The following MCM10 variants were observed in gnomAD, a reference collection of about 807,000 sequenced individuals.
The protein encoded by MCM10 is minichromosome maintenance 10 replication initiation factor.
MCM10 carries 91 observed loss-of-function variants against 109.9 expected under a neutral mutation model. The ratio of observed to expected loss-of-function variants is 0.83; its 90% CI spans 0.70 to 0.99. The LOEUF (loss-of-function observed/expected upper bound fraction) is 0.99. MCM10 is among the 50% of genes least tolerant of loss of function. MCM10 has a pLI of 0.00. For missense variants in MCM10, 1,077 were observed against 1,061.2 expected (o/e 1.01, Z -0.21); for synonymous variants, 380 against 387.2 (o/e 0.98, Z 0.22).
rs754471223 is a variant in MCM10 at position 13,192,306 on chromosome 10, A to T, written c.1568A>T (p.Asp523Val). ...SCSEEFKELM[D>V]LPTCGARNLK... ...TCTGAGGAGTTCAAGGAACTGATGG[A>T]CCTGCCGACGTGTGGAGCCAGGAAC... The change falls in exon 12 of 20, where the codon GAC (aspartate) becomes GTC (valine). Residue 523 changes from aspartate (D) to valine (V), a missense_variant. Physicochemically the swap from Asp to Val is radical, Grantham distance 152. Transcript: ENST00000378714. 3 of 1,614,162 alleles carry T rather than the reference A, an allele frequency of 1.9e-6. No homozygotes were observed. The South Asian group carries it at 3.3e-5, about 18-fold the overall frequency.
chr10:13,163,034 G>A (rs924982511), intron 1 of MCM10, among the ~76,000 whole-genome samples: 3 of 149,818 alleles, frequency 2.0e-5, no homozygotes, highest in Admixed American at 6.6e-5. Context: ...AGCCAAGATC[G>A]CCCCATTGCA....
At chr10:13,190,350 G>A (rs987448785) in intron 10 of MCM10, among the ~76,000 whole-genome samples, 2 of 152,072 alleles carry the variant, frequency 1.3e-5, no homozygotes, top group African/African-American at 4.8e-5. Flanking sequence ...CCAACCAATG[G>A]AGAAAATAAA....
At chr10:13,167,538 T>C (rs749973393) in intron 2 of MCM10, among the ~76,000 whole-genome samples, 1 of 149,312 alleles carries the variant, frequency 6.7e-6, no homozygotes, top group Non-Finnish European at 1.5e-5. Flanking sequence ...CTTGCGGAGG[T>C]TGAAGTGCCC....
chr10:13,172,765 G>A lies in MCM10; in HGVS notation c.592G>A (p.Asp198Asn), dbSNP rs1588467093. 1 of 1,614,000 alleles carries A rather than the reference G, an allele frequency of 6.2e-7. No individual in the cohort carries two copies. Among genetic ancestry groups the A allele is most frequent in the Non-Finnish European group, 8.5e-7 (1 of 1,179,992 alleles). The part of the protein sequence containing the change: ...VARTPKASPP[D>N]PKSSSSRMTS... The stretch of plus-strand genomic sequence containing the variant: ...TCGAACACCAAAGGCTTCACCTCCA[G>A]GTGTAGTACTTGCGGTCTCAGTATC... The change falls in exon 5 of 20, where the codon GAT becomes AAT. Residue 198 changes from aspartate (D) to asparagine (N), a missense_variant and splice_region_variant. Coordinates refer to ENST00000378714, the MANE Select transcript of MCM10 (RefSeq NM_018518.5). This position sits in a 1 kb window ranked among gnomAD's most constrained non-coding sequence, Gnocchi z 5.2.
chr10:13,186,194 G>A lies in MCM10; in HGVS notation c.1129G>A (p.Val377Ile), dbSNP rs779768919. 8.7e-6 allele frequency: 14 copies of A among 1,612,810 alleles called. 1 individual carries two copies. The Middle Eastern group carries it at 6.6e-4, about 76-fold the overall frequency. The stretch of plus-strand genomic sequence containing the variant: ...TTTATCTATCGATCATCCTCAGAAG[G>A]TCTTAATTATGGGTGAAGCTCTTGA... The part of the protein sequence containing the change: ...VCLSIDHPQK[V>I]LIMGEALDLG... The change falls in exon 9 of 20, where the codon GTC (valine) becomes ATC (isoleucine). Residue 377 changes from valine to isoleucine, a missense_variant. Coordinates refer to ENST00000378714, the MANE Select transcript of MCM10 (RefSeq NM_018518.5).
rs767891616 is a variant in MCM10, at chr10:13,164,154, C to T, written c.-49C>T. On this transcript the variant is annotated 5_prime_UTR_variant, in exon 2 of 20. Coordinates refer to ENST00000378714, the MANE Select transcript of MCM10 (RefSeq NM_018518.5). ...CAAGATTCTACATTGCTCATCTGGG[C>T]ATCTGAGCCTCCTTCGAAGTTTCCT... 1 of 1,544,760 alleles carries T rather than the reference C, an allele frequency of 6.5e-7. No individual in the cohort carries two copies. Among genetic ancestry groups the T allele is most frequent in the Admixed American group, 2.2e-5 (1 of 45,894 alleles).
At chr10:13,165,058 G>C (rs113667583) in intron 2 of MCM10, among the ~76,000 whole-genome samples, 2 of 152,038 alleles carry the variant, frequency 1.3e-5, no homozygotes, top group South Asian at 4.1e-4. Flanking sequence ...GTGGACCCCC[G>C]TTGTCCCTGA....
chr10:13,192,512 A>G lies in MCM10; in HGVS notation c.1689A>G (p.Gln563=). The change falls in exon 13 of 20, where the codon CAA becomes CAG. Residue 563 remains glutamine (Q), a synonymous_variant. Coordinates refer to ENST00000378714, the MANE Select transcript of MCM10 (RefSeq NM_018518.5). ...TCTCGGCCTCAGCACTCTTGAAGCA[A>G]CAGAAGCAGCGGATGTTGGAGATGA... is the stretch of plus-strand genomic sequence containing the variant. The part of the protein sequence containing the change: ...KSISASALLK[Q]QKQRMLEMRR... 2 of 1,614,180 alleles carry G rather than the reference A, an allele frequency of 1.2e-6. No homozygotes were observed. Among genetic ancestry groups the G allele is most frequent in the Non-Finnish European group, 1.7e-6 (2 of 1,180,038 alleles).
At chr10:13,184,109 C>T (rs1362027128) in intron 8 of MCM10, among the ~76,000 whole-genome samples, 2 of 152,072 alleles carry the variant, frequency 1.3e-5, no homozygotes, top group African/African-American at 4.8e-5. Context: ...CCACCTGCCT[C>T]AGCCTCTTAA....
chr10:13,202,261 G>A (rs1464518587), intron 17 of MCM10, among the ~76,000 whole-genome samples: 4 of 152,176 alleles, frequency 2.6e-5, no homozygotes, highest in Non-Finnish European at 5.9e-5. Context: ...GGAGGCTGAG[G>A]CAGGAGGATC....
At chr10:13,174,374 C>T (rs543481937) in intron 5 of MCM10, among the ~76,000 whole-genome samples, 15 of 151,964 alleles carry the variant, frequency 9.9e-5, no homozygotes, top group Non-Finnish European at 2.1e-4. Context: ...AAGTGATCTG[C>T]CCACTTCAGC....
At chr10:13,193,690 G>T (rs1344095530) in intron 13 of MCM10, among the ~76,000 whole-genome samples, 1 of 152,108 alleles carries the variant, frequency 6.6e-6, no homozygotes, top group African/African-American at 2.4e-5. Context: ...AGTGCCGGTG[G>T]GATATCTATA....
rs1834072861 is a variant in MCM10 at position 13,171,494 on chromosome 10, C to T, written c.349+231C>T. 2.6e-5 allele frequency among the ~76,000 whole-genome samples: 4 copies of T among 152,298 alleles called. No individual in the cohort carries two copies. The South Asian group carries it at 8.3e-4, about 32-fold the overall frequency. On this transcript the variant is annotated intron_variant, in intron 3 of 19. Coordinates refer to ENST00000378714, the MANE Select transcript of MCM10 (RefSeq NM_018518.5). The stretch of plus-strand genomic sequence containing the variant: ...TCAGCCAGCTGCACTTGATCCTGTA[C>T]GGAATGGCTCTGAAACTTTTCATAT...
At chr10:13,170,840 A>G (rs1834061098) in intron 2 of MCM10, 82 bp from the exon 3 acceptor site, 2 of 1,237,004 alleles carry the variant, frequency 1.6e-6, no homozygotes, top group African/African-American at 1.5e-5. Flanking sequence ...TCTTACCCCC[A>G]TGGGGTCATT....
chr10:13,167,090 G>A (rs1283172664), intron 2 of MCM10, among the ~76,000 whole-genome samples: 1 of 152,100 alleles, frequency 6.6e-6, no homozygotes, highest in Non-Finnish European at 1.5e-5. Context: ...AGTGAGCTAA[G>A]ATTGCAACAC....
chr10:13,180,714 A>G, intron 7 of MCM10, 107 bp downstream of exon 7: 1 of 1,278,912 alleles, frequency 7.8e-7, no homozygotes, highest in Admixed American at 1.9e-5. Flanking sequence ...TTTAGAAATA[A>G]GTATAGTAAG....
At chr10:13,168,290 A>G (rs567756264) in intron 2 of MCM10, among the ~76,000 whole-genome samples, 1 of 152,344 alleles carries the variant, frequency 6.6e-6, no homozygotes, top group Admixed American at 6.5e-5. Flanking sequence ...AAGCAACTCA[A>G]GCTAATCCTT....
At chr10:13,178,806 C>G (rs150252801) in intron 6 of MCM10, among the ~76,000 whole-genome samples, 2 of 152,280 alleles carry the variant, frequency 1.3e-5, no homozygotes, top group East Asian at 3.9e-4. Context: ...ATTGTATGGA[C>G]AGTTGAACAA....
At chr10:13,202,168 G>A (rs904574960) in intron 17 of MCM10, among the ~76,000 whole-genome samples, 5 of 152,192 alleles carry the variant, frequency 3.3e-5, no homozygotes, top group African/African-American at 4.8e-5. Context: ...AGACCAACCC[G>A]GGCAACATCG....
Sources: allele counts gnomAD v4.1 joint callset (sites outside exome capture counted in the v4.1 genomes callset), GRCh38; gene constraint gnomAD v4.1.1; non-coding constraint Gnocchi (gnomAD v3.1); transcripts MANE v1.5; gene names NCBI Gene and HGNC (gene_info 2026-07-23, HGNC 2026-07-21).